The following DBH variants were observed in gnomAD, a reference collection of about 807,000 sequenced individuals.
The protein encoded by DBH is dopamine beta-hydroxylase.
A neutral mutation model predicts 64.0 loss-of-function variants in DBH; 49 were observed. The observed-to-expected ratio is 0.77, with a 90% CI of 0.61 to 0.97. DBH has a LOEUF of 0.97. Among genes scored for constraint, DBH ranks in the 50% least tolerant of loss-of-function variants. The pLI is 0.00. For synonymous variants in DBH, 343 were observed against 347.1 expected, an observed-to-expected ratio of 0.99 and a Z score of 0.13; for missense variants, 828 against 826.6, an observed-to-expected ratio of 1.00 and a Z score of -0.02.
intron 11 of DBH, among the ~76,000 whole-genome samples, chr9:133,657,803 C>T (rs561027931): frequency 2.0e-5 from 3 of 152,264 alleles, no homozygotes; most frequent in East Asian, 1.9e-4. Context: ...CAGAGTTAGT[C>T]GCGTAAGGTG....
chr9:133,643,480 C>A lies in DBH; in HGVS notation c.812C>A (p.Pro271His), dbSNP rs866646232. Residue 271 changes from proline (P) to histidine (H), a missense_variant, in exon 4 of 12, where the codon CCC becomes CAC. Coordinates refer to ENST00000393056, the MANE Select transcript of DBH (RefSeq NM_000787.4). The surrounding 1 kb of genome is among the most constrained non-coding windows in gnomAD (Gnocchi z 5.3). ...VHHMEVFQCA[P>H]EMDSVPHFSG... ...CACATGGAAGTCTTCCAGTGCGCCC[C>A]CGAGATGGACAGCGTCCCCCACTTC... 2 of 1,613,940 alleles carry A rather than the reference C, an allele frequency of 1.2e-6. No individual in the cohort carries two copies. The highest frequency in any genetic ancestry group is 3.3e-4 in the Middle Eastern group (2 of 6,062).
At chr9:133,657,479 GGAGAGAGGA>G (rs1564215939) in intron 11 of DBH, among the ~76,000 whole-genome samples, 1 of 144,866 alleles carries the variant, frequency 6.9e-6, no homozygotes, top group Non-Finnish European at 1.5e-5. Context: ...AGAGGGAGAG[GGAGAGAGGA>G]GAGAGAGAGG....
chr9:133,648,506 A>C (rs1339280580), intron 6 of DBH, among the ~76,000 whole-genome samples: 1 of 152,206 alleles, frequency 6.6e-6, no homozygotes, highest in Non-Finnish European at 1.5e-5. Context: ...ATAGTTAACA[A>C]ATTTTTCAAC....
chr9:133,652,619 G>A (rs129908), intron 8 of DBH, among the ~76,000 whole-genome samples: 6,566 of 152,242 alleles, frequency 0.043, 495 homozygotes, highest in African/African-American at 0.15. Context: ...ATCCCACAGA[G>A]GGCCAAGCCC....
Position 133,644,470 on chromosome 9 carries a change from G to A in DBH, c.1024+150G>A, listed in dbSNP as rs868185955. The A allele has an allele frequency of 1.8e-5, 13 of 735,772 alleles. No individual in the cohort carries two copies. The Middle Eastern group carries it at 1.8e-3, about 104-fold the overall frequency. 45.6% of individuals were successfully genotyped at this position (735,772 alleles called of 1,614,324 possible). The stretch of plus-strand genomic sequence containing the variant: ...GGCCCTTGCGTCTGCCTCATCCGCT[G>A]TCCATCTTCCATGGCTGTGGTGGGC... On this transcript the variant is annotated intron_variant, in intron 5 of 11. Transcript: ENST00000393056.
At chr9:133,656,103 G>A (rs949676816) in intron 9 of DBH, 2 of 321,726 alleles carry the variant, frequency 6.2e-6, no homozygotes, top group Admixed American at 4.2e-5. Flanking sequence ...TTGGCTCCAG[G>A]CTCTCGCTGG....
rs368994366 is a variant in DBH at position 133,647,905 on chromosome 9, G to T, written c.1084G>T (p.Ala362Ser). 1 of 1,614,196 alleles carries T rather than the reference G, an allele frequency of 6.2e-7. No homozygotes were observed. Among genetic ancestry groups the T allele is most frequent in the African/African-American group, 1.3e-5 (1 of 75,072 alleles). The change falls in exon 6 of 12, where the codon GCG (alanine) becomes TCG (serine). Residue 362 changes from alanine to serine, a missense_variant. Ala to Ser is a moderately conservative substitution (Grantham distance 99). Coordinates refer to ENST00000393056, the MANE Select transcript of DBH (RefSeq NM_000787.4). ...YYTAKLRRFN[A>S]GIMELGLVYT... ...CACAGCCAAGCTGCGGCGCTTCAAC[G>T]CGGGGATCATGGAGCTGGGACTGGT... is the stretch of plus-strand genomic sequence containing the variant.
intron 6 of DBH, 72 bp from the exon 7 acceptor site, chr9:133,651,562 C>G (rs567350609): frequency 5.0e-6 from 8 of 1,595,962 alleles, no homozygotes; most frequent in Non-Finnish European, 4.3e-6. Context: ...TGCTCCCTAC[C>G]GGGTCCTGGC....
chr9:133,636,515 CT>C lies in DBH; in HGVS notation c.145del (p.Tyr49IlefsTer95). 1.2e-6 allele frequency: 2 copies of C among 1,613,458 alleles called. No homozygotes were observed. The highest frequency in any genetic ancestry group is 1.1e-5 in the South Asian group (1 of 91,084). ...CGGCTCCCCGTGAGAGCCCCCTCCC[CT>C]ATCACATCCCCCTGGACCCGGAGGG... The part of the protein sequence containing the change: ...GSAPRESPLP[Y>X]HIPLDPEGSL... On this transcript the variant is annotated frameshift_variant, in exon 1 of 12. Coordinates refer to ENST00000393056, the MANE Select transcript of DBH (RefSeq NM_000787.4). LOFTEE classifies it high-confidence loss of function.
At chr9:133,657,382 A>C (rs1159037560) in intron 11 of DBH, 153 bp downstream of exon 11, 4 of 731,042 alleles carry the variant, frequency 5.5e-6, no homozygotes, top group African/African-American at 3.6e-5. Flanking sequence ...ATAGGCCTAG[A>C]CAGCCAGCCA....
At chr9:133,639,366 C>T (rs1185946304) in intron 1 of DBH, among the ~76,000 whole-genome samples, 1 of 152,164 alleles carries the variant, frequency 6.6e-6, no homozygotes, top group African/African-American at 2.4e-5. Flanking sequence ...TTTCTCTCTC[C>T]TTTCCTGTTC....
rs1053895722 is a variant in DBH at position 133,644,220 on chromosome 9, A to G, written c.924A>G (p.Ala308=). The change falls in exon 5 of 12, where the codon GCA becomes GCG. Residue 308 remains alanine, a splice_region_variant and synonymous_variant. Coordinates refer to ENST00000393056, the MANE Select transcript of DBH (RefSeq NM_000787.4). ...VLAAWALGAK[A]FYYPEEAGLA... is the part of the protein sequence containing the mutation. The stretch of plus-strand genomic sequence containing the variant: ...GTCTGACACCTTGCCCCACACAGGC[A>G]TTTTACTACCCAGAGGAAGCCGGCC... 6.2e-7 allele frequency: 1 copy of G among 1,613,764 alleles called. No homozygotes were observed. Among genetic ancestry groups the G allele is most frequent in the Admixed American group, 1.7e-5 (1 of 60,026 alleles).
Position 133,647,878 on chromosome 9 carries a change from T to C in DBH, c.1057T>C (p.Tyr353His). Residue 353 changes from tyrosine to histidine, a missense_variant, in exon 6 of 12, where the codon TAC (tyrosine) becomes CAC (histidine). By Grantham distance (83) the Tyr-to-His change is moderately conservative (BLOSUM62 2). Transcript: ENST00000393056. ...RNDSSGIRLY[Y>H]TAKLRRFNAG... Reference sequence around the variant, plus strand: ...CGACTCCTCAGGCATCCGCTTGTACTACACAGCCAAGCTGCGGCGCTTCAA... The same window carrying C: ...CGACTCCTCAGGCATCCGCTTGTACCACACAGCCAAGCTGCGGCGCTTCAA... 1.2e-6 allele frequency: 2 copies of C among 1,614,246 alleles called. No homozygotes were observed. The highest frequency in any genetic ancestry group is 1.7e-6 in the Non-Finnish European group (2 of 1,180,036).
At position 133,652,266 on chromosome 9, in the gene DBH, G is replaced by A. The variant is rs768364693; in HGVS notation, c.1356G>A (p.Lys452=). ...PHFQEIRMLK[K]VVSVHPGDVL... The stretch of plus-strand genomic sequence containing the variant: ...CCCAGGAGATCCGCATGTTGAAGAA[G>A]GTCGTGTCGGTCCATCCGGTGAGTG... Residue 452 remains lysine (K), a synonymous_variant, in exon 8 of 12, where the codon AAG becomes AAA. Transcript: ENST00000393056. The A allele has an allele frequency of 1.9e-6, 3 of 1,613,750 alleles. No individual in the cohort carries two copies. The highest frequency in any genetic ancestry group is 2.5e-6 in the Non-Finnish European group (3 of 1,180,032).
chr9:133,658,673 T>G lies in DBH; in HGVS notation c.*226T>G. On this transcript the variant is annotated 3_prime_UTR_variant, in exon 12 of 12. Coordinates refer to ENST00000393056, the MANE Select transcript of DBH (RefSeq NM_000787.4). ...CCCTGTTGACCTACCCTGGACCGAG[T>G]GGACCACGACCTCGTCCATTTAAAC... 2.2e-6 allele frequency: 1 copy of G among 464,696 alleles called. No homozygotes were observed. The highest frequency in any genetic ancestry group is 3.7e-6 in the Non-Finnish European group (1 of 267,754). 28.8% of individuals were successfully genotyped at this position (464,696 alleles called of 1,614,324 possible).
intron 1 of DBH, 137 bp from the exon 2 acceptor site, chr9:133,639,709 A>T: frequency 1.1e-6 from 1 of 918,376 alleles, no homozygotes; most frequent in Non-Finnish European, 1.7e-6. Flanking sequence ...GAACCCTCAG[A>T]TCCACAGGGA....
Position 133,657,185 on chromosome 9 carries a change from C to A in DBH, c.1678C>A (p.Pro560Thr). 7.4e-6 allele frequency: 12 copies of A among 1,614,162 alleles called. No homozygotes were observed. Among genetic ancestry groups the A allele is most frequent in the Non-Finnish European group, 1.0e-5 (12 of 1,180,038 alleles). Residue 560 changes from proline to threonine, a missense_variant, in exon 11 of 12, where the codon CCC (proline) becomes ACC (threonine). Pro to Thr is a conservative substitution (Grantham distance 38). Transcript: ENST00000393056. ...DVLKALYSFA[P>T]ISMHCNKSSA... is the part of the protein sequence containing the mutation. ...ACTGAAGGCCCTGTACAGCTTCGCG[C>A]CCATCTCCATGCACTGCAACAAGTC...
intron 5 of DBH, among the ~76,000 whole-genome samples, chr9:133,644,732 G>A (rs1182013805): frequency 2.0e-5 from 3 of 152,234 alleles, no homozygotes; most frequent in Non-Finnish European, 4.4e-5. Context: ...GCATATTCCA[G>A]GACACAGGCG....
chr9:133,646,146 G>T (rs1353177925), intron 5 of DBH, among the ~76,000 whole-genome samples: 1 of 152,126 alleles, frequency 6.6e-6, no homozygotes, highest in Non-Finnish European at 1.5e-5. Flanking sequence ...CTTGTGACTA[G>T]AATTTTATAT....
Sources: gnomAD v4.1 joint callset for allele counts (sites outside exome capture counted in the v4.1 genomes callset) on GRCh38, gnomAD v4.1.1 for gene constraint, Gnocchi (gnomAD v3.1) non-coding constraint, MANE v1.5 for transcripts, NCBI Gene and HGNC (gene_info 2026-07-23, HGNC 2026-07-21) for gene names.